Variants in PTCHD4 observed in about 807,000 individuals in gnomAD.
PTCHD4 encodes the protein patched domain-containing protein 4.
A neutral mutation model predicts 58.1 loss-of-function variants in PTCHD4; 33 were observed. The observed-to-expected ratio is 0.57, with a 90% CI of 0.43 to 0.76. The LOEUF (loss-of-function observed/expected upper bound fraction) is 0.76. Ranked by LOEUF, PTCHD4 falls within the 30% of genes least tolerant of loss-of-function variation. The probability of loss-of-function intolerance (pLI) is 0.00; values close to 1 mark genes in which losing one functional copy is unlikely to be tolerated. For missense variants in PTCHD4, 1,058 were observed against 1,027.1 expected, an observed-to-expected ratio of 1.03 and a Z score of -0.41; for synonymous variants, 478 against 409.6, an observed-to-expected ratio of 1.17 and a Z score of -2.02.
At chr6:47,904,092 G>A (rs996080660) in intron 4 of PTCHD4, among the ~76,000 whole-genome samples, 2 of 152,200 alleles carry the variant, frequency 1.3e-5, no homozygotes, top group African/African-American at 2.4e-5. Context: ...ATTGATAGGA[G>A]ATGAGCTCAG....
At chr6:48,074,377 TGA>T (rs1765024685) in intron 1 of PTCHD4, among the ~76,000 whole-genome samples, 1 of 152,250 alleles carries the variant, frequency 6.6e-6, no homozygotes, top group African/African-American at 2.4e-5. Context: ...GCCCACAGCT[TGA>T]GCTCTGTGCT....
chr6:47,884,524 T>A (rs1473799681), intron 4 of PTCHD4, among the ~76,000 whole-genome samples: 1 of 152,174 alleles, frequency 6.6e-6, no homozygotes, highest in Admixed American at 6.6e-5. Context: ...GCCCACCAAT[T>A]CAGGTGATGC....
At chr6:47,971,299 A>G (rs1435140632) in intron 4 of PTCHD4, among the ~76,000 whole-genome samples, 1 of 152,018 alleles carries the variant, frequency 6.6e-6, no homozygotes, top group Non-Finnish European at 1.5e-5. Flanking sequence ...AGAAACAAGA[A>G]AGAGCTCTTT....
At chr6:47,953,115 T>C (rs1766717348) in intron 4 of PTCHD4, among the ~76,000 whole-genome samples, 1 of 152,012 alleles carries the variant, frequency 6.6e-6, no homozygotes, top group South Asian at 2.1e-4. Context: ...AATGACAGAA[T>C]GTACCCTCTA....
intron 4 of PTCHD4, among the ~76,000 whole-genome samples, chr6:47,995,278 A>G (rs752220357): frequency 6.6e-6 from 1 of 152,192 alleles, no homozygotes; most frequent in Admixed American, 6.6e-5. Flanking sequence ...CAAGGTGAGC[A>G]TCTGTTTTAC....
rs769747145 is a variant in PTCHD4, at chr6:47,868,388, T to G, written c.*9915A>C. Among the ~76,000 whole-genome samples, 4 of 151,702 alleles carry G rather than the reference T, an allele frequency of 2.6e-5. No homozygotes were observed. The highest frequency in any genetic ancestry group is 5.9e-5 in the Non-Finnish European group (4 of 67,782). The stretch of plus-strand genomic sequence containing the variant: ...TGTGTAACTGGCTATATAGGAAAAT[T>G]CAAGAAAATGAAACAAAACAACAAC... On this transcript the variant is annotated 3_prime_UTR_variant, in exon 5 of 5. Transcript: ENST00000339488.
chr6:48,055,023 T>C (rs1764359247), intron 3 of PTCHD4, among the ~76,000 whole-genome samples: 1 of 152,186 alleles, frequency 6.6e-6, no homozygotes, highest in South Asian at 2.1e-4. Flanking sequence ...TCCAAAGTCA[T>C]ACAGCAAGTA....
At chr6:47,977,607 G>T (rs969619561) in intron 4 of PTCHD4, among the ~76,000 whole-genome samples, 3 of 152,112 alleles carry the variant, frequency 2.0e-5, no homozygotes, top group Non-Finnish European at 4.4e-5. Context: ...CCATGCCCAG[G>T]TTCCTAATCT....
At position 48,033,486 on chromosome 6, in the gene PTCHD4, G is replaced by A. The variant is rs186222757; in HGVS notation, c.418-24372C>T. Among the ~76,000 whole-genome samples, 144 of 151,282 alleles carry A rather than the reference G, an allele frequency of 9.5e-4. 1 individual carries two copies. The South Asian group carries it at 0.017, about 18-fold the overall frequency. Reference sequence around the variant, plus strand: ...CTGCACCTCTCCATCTAGTGAGACCGGCCTTCCCCTTTTTTCCTTCAATGG... The same window carrying A: ...CTGCACCTCTCCATCTAGTGAGACCAGCCTTCCCCTTTTTTCCTTCAATGG... On this transcript the variant is annotated intron_variant, in intron 3 of 4. Transcript: ENST00000339488.
At chr6:47,938,975 G>A (rs1249542241) in intron 4 of PTCHD4, among the ~76,000 whole-genome samples, 1 of 152,142 alleles carries the variant, frequency 6.6e-6, no homozygotes, top group African/African-American at 2.4e-5. Context: ...GGTACAAGAA[G>A]GAGTGAGTTG....
At chr6:48,054,367 C>G (rs77452857) in intron 3 of PTCHD4, among the ~76,000 whole-genome samples, 1 of 152,126 alleles carries the variant, frequency 6.6e-6, no homozygotes, top group Non-Finnish European at 1.5e-5. Context: ...CAAGGTTTTT[C>G]TTGAAACAAC....
In PTCHD4 at chr6:47,874,994, G is replaced by A. The variant is rs962202650; in HGVS notation, c.*3309C>T. 6.6e-6 allele frequency among the ~76,000 whole-genome samples: 1 copy of A among 151,766 alleles called. No homozygotes were observed. The highest frequency in any genetic ancestry group is 1.5e-5 in the Non-Finnish European group (1 of 67,850). On this transcript the variant is annotated 3_prime_UTR_variant, in exon 5 of 5. Coordinates refer to ENST00000339488, the MANE Select transcript of PTCHD4 (RefSeq NM_001384253.1). ...GAAGTTTATTAACATCAAAGAGAGT[G>A]GAGCTCACATGGCACTTTCCAATTC...
chr6:48,062,914 A>G lies in PTCHD4; in HGVS notation c.417+5316T>C, dbSNP rs149839019. ...CCCTGGCCTGACTCTATCATTTTAC[A>G]GAGAAAGAAGCTGACGCCTACATTG... On this transcript the variant is annotated intron_variant, in intron 3 of 4. Coordinates refer to ENST00000339488, the MANE Select transcript of PTCHD4 (RefSeq NM_001384253.1). 5.9e-4 allele frequency among the ~76,000 whole-genome samples: 90 copies of G among 152,292 alleles called. No individual in the cohort carries two copies. The East Asian group carries it at 0.014, about 24-fold the overall frequency.
At chr6:47,906,161 T>C (rs1764878078) in intron 4 of PTCHD4, among the ~76,000 whole-genome samples, 1 of 152,224 alleles carries the variant, frequency 6.6e-6, no homozygotes, top group African/African-American at 2.4e-5. Flanking sequence ...TGGATCTCTA[T>C]GAGAGCTGTG....
Position 47,864,415 on chromosome 6 carries a change from T to G in PTCHD4, c.*13888A>C, listed in dbSNP as rs1420812861. Among the ~76,000 whole-genome samples, 1 of 151,956 alleles carries G rather than the reference T, an allele frequency of 6.6e-6. No homozygotes were observed. The highest frequency in any genetic ancestry group is 1.5e-5 in the Non-Finnish European group (1 of 67,920). On this transcript the variant is annotated 3_prime_UTR_variant, in exon 5 of 5. Coordinates refer to ENST00000339488, the MANE Select transcript of PTCHD4 (RefSeq NM_001384253.1). ...GGCTGCCTCTCATTTCTCTTTGCAT[T>G]TACTCTCTATGTGTCTGGCACATAG... is the stretch of plus-strand genomic sequence containing the variant.
chr6:48,043,414 T>C (rs894628203), intron 3 of PTCHD4, among the ~76,000 whole-genome samples: 2 of 151,892 alleles, frequency 1.3e-5, no homozygotes, highest in Non-Finnish European at 2.9e-5. Flanking sequence ...ATTTTTATGC[T>C]GAAAGGCAGC....
At chr6:48,056,958 T>C (rs1334601974) in intron 3 of PTCHD4, among the ~76,000 whole-genome samples, 8 of 152,194 alleles carry the variant, frequency 5.3e-5, no homozygotes, top group Non-Finnish European at 1.2e-4. Flanking sequence ...AAGTAAAGAA[T>C]GCAATATTTA....
intron 1 of PTCHD4, among the ~76,000 whole-genome samples, chr6:48,070,659 T>G (rs1473228116): frequency 1.3e-5 from 2 of 152,230 alleles, no homozygotes; most frequent in Non-Finnish European, 2.9e-5. Context: ...ATTCACAAAT[T>G]TTTCTAGGAA....
At chr6:48,056,158 T>C (rs1485706965) in intron 3 of PTCHD4, among the ~76,000 whole-genome samples, 1 of 152,236 alleles carries the variant, frequency 6.6e-6, no homozygotes, top group Non-Finnish European at 1.5e-5. Flanking sequence ...CAAAACTGTT[T>C]TTAAATTATG....
Sources: allele counts gnomAD v4.1 joint callset (sites outside exome capture counted in the v4.1 genomes callset), GRCh38; gene constraint gnomAD v4.1.1; transcripts MANE v1.5; gene names NCBI Gene and HGNC (gene_info 2026-07-23, HGNC 2026-07-21).